Variants in ANO2 observed in about 807,000 individuals in gnomAD.
ANO2 encodes the protein anoctamin 2, also known as anoctamin-2.
A neutral mutation model predicts 124.2 loss-of-function variants in ANO2; 101 were observed. The ratio of observed to expected loss-of-function variants is 0.81; its 90% CI spans 0.69 to 0.96. The LOEUF (loss-of-function observed/expected upper bound fraction) is 0.96, where lower values mean the gene tolerates loss of function less well. ANO2 is among the 40% of genes least tolerant of loss of function. The pLI, the probability that ANO2 is intolerant of heterozygous loss-of-function variation, is 0.00. For synonymous variants in ANO2, 486 were observed against 482.5 expected (o/e 1.01, Z -0.09); for missense variants, 1,293 against 1,274.5 (o/e 1.01, Z -0.22).
At chr12:5,587,956 C>T (rs575626125) in intron 20 of ANO2, among the ~76,000 whole-genome samples, 6 of 152,340 alleles carry the variant, frequency 3.9e-5, no homozygotes, top group East Asian at 1.9e-4. Context: ...TGCCTCCCTC[C>T]GTTGAGGACC....
intron 3 of ANO2, among the ~76,000 whole-genome samples, chr12:5,882,943 T>C (rs986313372): frequency 5.3e-5 from 8 of 152,068 alleles, no homozygotes; most frequent in African/African-American, 1.7e-4. Context: ...GGTTAAGAAC[T>C]GAATGGGGAG....
At chr12:5,731,088 A>G (rs1432683831) in intron 14 of ANO2, among the ~76,000 whole-genome samples, 2 of 152,244 alleles carry the variant, frequency 1.3e-5, no homozygotes, top group Non-Finnish European at 2.9e-5. Context: ...TTAAAATTCA[A>G]TGAGTCAGTG....
rs1006741964 is a variant in ANO2, at chr12:5,862,878, C to A, written c.535-8737G>T. Among the ~76,000 whole-genome samples, 1 of 152,176 alleles carries A rather than the reference C, an allele frequency of 6.6e-6. No homozygotes were observed. Among genetic ancestry groups the A allele is most frequent in the Admixed American group, 6.5e-5 (1 of 15,288 alleles). On this transcript the variant is annotated intron_variant, in intron 3 of 24. Coordinates refer to ENST00000682330, the MANE Select transcript of ANO2 (RefSeq NM_001364791.2). The surrounding 1 kb of genome is among the most constrained non-coding windows in gnomAD (Gnocchi z 4.0). ...CAATCTTGGCTCACTGCAACCTCCA[C>A]CTCCCAGGTTCAAGCAATCCTCCAG...
At chr12:5,704,914 A>G (rs1949545774) in intron 14 of ANO2, among the ~76,000 whole-genome samples, 1 of 152,242 alleles carries the variant, frequency 6.6e-6, no homozygotes, top group Non-Finnish European at 1.5e-5. Flanking sequence ...TTTTAAAAAC[A>G]TAACCTACTT....
At chr12:5,770,641 C>G (rs1952050650) in intron 10 of ANO2, among the ~76,000 whole-genome samples, 1 of 152,198 alleles carries the variant, frequency 6.6e-6, no homozygotes. Flanking sequence ...ACGGTCCCTG[C>G]AAAGACCTCC....
chr12:5,599,486 A>G lies in ANO2; in HGVS notation c.2231T>C (p.Met744Thr). 2.5e-6 allele frequency: 4 copies of G among 1,601,864 alleles called. No individual in the cohort carries two copies. Among genetic ancestry groups the G allele is most frequent in the Middle Eastern group, 1.7e-4 (1 of 6,028 alleles). Residue 744 changes from methionine (M) to threonine (T), a missense_variant and splice_region_variant, in exon 20 of 25, where the codon ATG becomes ACG. Physicochemically the swap from Met to Thr is moderately conservative, Grantham distance 81 (BLOSUM62 -1). Transcript: ENST00000682330. ...AAGGCAGGACCATGGGTTCTCACTCATTTCCATGTACTCCGGAGTCAGTCC... is the reference window on the plus strand; with the variant it reads ...AAGGCAGGACCATGGGTTCTCACTCGTTTCCATGTACTCCGGAGTCAGTCC... The part of the protein sequence containing the change: ...YTGLTPEYME[M>T]IIQFGFVTLF...
Position 5,652,549 on chromosome 12 carries a change from T to A in ANO2, c.1546-4748A>T, listed in dbSNP as rs553377133. 4.1e-4 allele frequency among the ~76,000 whole-genome samples: 62 copies of A among 152,252 alleles called. 1 individual carries two copies. The highest frequency in any genetic ancestry group is 7.5e-4 in the Non-Finnish European group (51 of 68,018). ...TCCAAGAAAACACCTTATATTTAGT[T>A]GTCATGTCCCCTTAGACTCCTCGAA... On this transcript the variant is annotated intron_variant, in intron 14 of 24. Coordinates refer to ENST00000682330, the MANE Select transcript of ANO2 (RefSeq NM_001364791.2).
intron 3 of ANO2, among the ~76,000 whole-genome samples, chr12:5,882,318 T>C (rs140293505): frequency 1.9e-3 from 291 of 152,358 alleles, no homozygotes; most frequent in African/African-American, 6.7e-3. Context: ...GTGGTCTTCA[T>C]GCTGCAAATG....
At chr12:5,852,360 C>T (rs1240088509) in intron 4 of ANO2, among the ~76,000 whole-genome samples, 1 of 152,130 alleles carries the variant, frequency 6.6e-6, no homozygotes, top group East Asian at 1.9e-4. Context: ...ACACTTCAGG[C>T]ATGTGACCCC....
chr12:5,807,795 C>T (rs140125478), intron 7 of ANO2, among the ~76,000 whole-genome samples: 14 of 152,326 alleles, frequency 9.2e-5, no homozygotes, highest in Middle Eastern at 3.4e-3. Flanking sequence ...CACAAGGCAG[C>T]GTTCGCTGTG....
At chr12:5,688,838 G>GCTT (rs2137010531) in intron 14 of ANO2, among the ~76,000 whole-genome samples, 1 of 140,064 alleles carries the variant, frequency 7.1e-6, no homozygotes, top group Admixed American at 7.4e-5. Context: ...TTTGGTCGGA[G>GCTT]CTTCTCAAGT....
intron 16 of ANO2, among the ~76,000 whole-genome samples, chr12:5,631,793 T>C (rs1945732603): frequency 1.3e-5 from 2 of 151,836 alleles, no homozygotes; most frequent in African/African-American, 4.8e-5. Flanking sequence ...AGTGGGTCAG[T>C]TGGGGTGGAG....
chr12:5,688,518 G>A (rs1292799846), intron 14 of ANO2, among the ~76,000 whole-genome samples: 2 of 152,162 alleles, frequency 1.3e-5, no homozygotes, highest in Non-Finnish European at 2.9e-5. Context: ...TCCCTTATGA[G>A]GGAGGCTTAA....
chr12:5,809,886 G>A (rs961950192), intron 7 of ANO2, among the ~76,000 whole-genome samples: 7 of 152,304 alleles, frequency 4.6e-5, no homozygotes, highest in South Asian at 4.1e-4. Context: ...CCGGCCCTAC[G>A]GCTGCAGTTA....
chr12:5,862,290 C>T lies in ANO2; in HGVS notation c.535-8149G>A, dbSNP rs1955293374. On this transcript the variant is annotated intron_variant, in intron 3 of 24. Transcript: ENST00000682330. This position sits in a 1 kb window ranked among gnomAD's most constrained non-coding sequence, Gnocchi z 4.0. ...GAGCCAAATGCCCACCAAGCCCCATCCCAGAGACCCACTAAGACCAGCAGC... is the reference window on the plus strand; with the variant it reads ...GAGCCAAATGCCCACCAAGCCCCATTCCAGAGACCCACTAAGACCAGCAGC... Among the ~76,000 whole-genome samples, 1 of 152,198 alleles carries T rather than the reference C, an allele frequency of 6.6e-6. No individual in the cohort carries two copies. The highest frequency in any genetic ancestry group is 2.4e-5 in the African/African-American group (1 of 41,442).
intron 14 of ANO2, among the ~76,000 whole-genome samples, chr12:5,678,121 C>T (rs1338888783): frequency 6.6e-6 from 1 of 152,182 alleles, no homozygotes; most frequent in African/African-American, 2.4e-5. Context: ...AGAAGCACTA[C>T]TTTTCAGTCC....
chr12:5,647,206 T>A (rs935397041), intron 15 of ANO2, among the ~76,000 whole-genome samples: 1 of 152,204 alleles, frequency 6.6e-6, no homozygotes, highest in Non-Finnish European at 1.5e-5. Flanking sequence ...ACTTTATTGA[T>A]CTAAGTCAAA....
chr12:5,697,126 A>C (rs1949213747), intron 14 of ANO2, among the ~76,000 whole-genome samples: 1 of 152,194 alleles, frequency 6.6e-6, no homozygotes, highest in Non-Finnish European at 1.5e-5. Context: ...CTAGAAAAGG[A>C]AACAAAATGT....
upstream of ANO2, among the ~76,000 whole-genome samples, chr12:5,945,746 G>C (rs1020918540): frequency 6.6e-6 from 1 of 152,368 alleles, no homozygotes; most frequent in African/African-American, 2.4e-5. Context: ...TCCATACTAG[G>C]TGGAGACCAG....
Sources: gnomAD v4.1 joint callset for allele counts (sites outside exome capture counted in the v4.1 genomes callset) on GRCh38, gnomAD v4.1.1 for gene constraint, Gnocchi (gnomAD v3.1) non-coding constraint, MANE v1.5 for transcripts, NCBI Gene and HGNC (gene_info 2026-07-23, HGNC 2026-07-21) for gene names.